Variants in ARHGEF12 observed in about 807,000 individuals in gnomAD.
The protein encoded by ARHGEF12 is KMT2A/ARHGEF12 fusion protein.
In ARHGEF12, 66 loss-of-function variants were observed where a neutral mutation model predicts 211.2. The observed-to-expected ratio is 0.31, with a 90% CI of 0.26 to 0.38. The LOEUF (loss-of-function observed/expected upper bound fraction) is 0.38, where lower values mean the gene tolerates loss of function less well. Among genes scored for constraint, ARHGEF12 ranks in the 10% least tolerant of loss-of-function variants. The probability of loss-of-function intolerance (pLI) is 1.00; values close to 1 mark genes in which losing one functional copy is unlikely to be tolerated. For missense variants in ARHGEF12, 1,429 were observed against 1,869.5 expected (o/e 0.76, Z 4.34); for synonymous variants, 592 against 638.4 (o/e 0.93, Z 1.09).
At chr11:120,445,218 T>C (rs945604509) in intron 15 of ARHGEF12, among the ~76,000 whole-genome samples, 4 of 152,236 alleles carry the variant, frequency 2.6e-5, no homozygotes, top group African/African-American at 9.6e-5. Flanking sequence ...CTTTATAGCA[T>C]GATCCTCGGG....
intron 30 of ARHGEF12, among the ~76,000 whole-genome samples, chr11:120,471,716 A>G (rs1946875041): frequency 6.6e-6 from 1 of 152,196 alleles, no homozygotes; most frequent in African/African-American, 2.4e-5. Flanking sequence ...AGATGGACTG[A>G]TGGATAGAGG....
chr11:120,443,389 A>G (rs1478894451), intron 15 of ARHGEF12, among the ~76,000 whole-genome samples: 1 of 152,092 alleles, frequency 6.6e-6, no homozygotes, highest in Non-Finnish European at 1.5e-5. Context: ...TACCTACTCA[A>G]AGATCTTACT....
intron 40 of ARHGEF12, 42 bp downstream of exon 40, chr11:120,484,549 C>T (rs769526035): frequency 1.3e-6 from 2 of 1,483,688 alleles, no homozygotes; most frequent in South Asian, 2.4e-5. Context: ...ACTAATCATC[C>T]TACACTGAAT....
chr11:120,454,978 T>G (rs1946321676), intron 22 of ARHGEF12, among the ~76,000 whole-genome samples: 1 of 151,700 alleles, frequency 6.6e-6, no homozygotes, highest in Non-Finnish European at 1.5e-5. Flanking sequence ...GGGAGAAATA[T>G]CAAAAAATGT....
rs1365533080 is a variant in ARHGEF12, at chr11:120,480,525, G to T, written c.4237+95G>T. ...GGATGTTGTATTGGTATCCAGGTGT[G>T]TGTGTGTGTGTGTGTTCACACATGT... On this transcript the variant is annotated intron_variant, in intron 38 of 40. Coordinates refer to ENST00000397843, the MANE Select transcript of ARHGEF12 (RefSeq NM_015313.3). 3 of 1,117,462 alleles carry T rather than the reference G, an allele frequency of 2.7e-6. No individual in the cohort carries two copies. The African/African-American group carries it at 4.8e-5, about 18-fold the overall frequency. The allele number at this position is 1,117,462 out of a possible 1,614,324, so 69.2% of individuals were successfully genotyped here. A position where few individuals can be genotyped will look rare whatever the true frequency, so the allele number is the denominator to read the frequency against.
chr11:120,464,943 T>C, intron 27 of ARHGEF12: 1 of 248,194 alleles, frequency 4.0e-6, no homozygotes, highest in East Asian at 8.5e-5. Context: ...GAGGCAGAAG[T>C]TGCAGTGAGC....
intron 22 of ARHGEF12, 67 bp from the exon 23 acceptor site, chr11:120,457,051 T>A (rs1946384331): frequency 1.4e-6 from 2 of 1,426,636 alleles, no homozygotes; most frequent in Admixed American, 2.0e-5. Context: ...TGGGAACTAA[T>A]TTTTTTTGGT....
chr11:120,436,790 G>A (rs549206072), intron 11 of ARHGEF12, among the ~76,000 whole-genome samples: 2 of 152,240 alleles, frequency 1.3e-5, no homozygotes, highest in East Asian at 1.9e-4. Flanking sequence ...AGGGACTTGA[G>A]CATCCATTCC....
At chr11:120,451,491 T>C (rs1233040617) in intron 21 of ARHGEF12, 21 bp from the exon 22 acceptor site, 2 of 1,612,876 alleles carry the variant, frequency 1.2e-6, no homozygotes, top group South Asian at 2.2e-5. Context: ...TACAGATTAT[T>C]AACCATCATT....
intron 1 of ARHGEF12, among the ~76,000 whole-genome samples, chr11:120,343,541 A>G (rs551924375): frequency 8.5e-5 from 13 of 152,252 alleles, no homozygotes; most frequent in Non-Finnish European, 1.6e-4. Flanking sequence ...TACCTCTTGA[A>G]TTAGCATGCA....
chr11:120,376,128 G>A (rs990910017), intron 1 of ARHGEF12, among the ~76,000 whole-genome samples: 16 of 152,028 alleles, frequency 1.1e-4, no homozygotes, highest in Admixed American at 3.3e-4. Flanking sequence ...GTTCTGGTAG[G>A]CATATCCTAG....
intron 1 of ARHGEF12, among the ~76,000 whole-genome samples, chr11:120,339,596 A>G (rs943436230): frequency 6.6e-6 from 1 of 152,196 alleles, no homozygotes; most frequent in Non-Finnish European, 1.5e-5. Context: ...TAGAGTGTGC[A>G]GAACCACCAG....
intron 30 of ARHGEF12, among the ~76,000 whole-genome samples, chr11:120,471,865 C>CAGTA: frequency 6.6e-6 from 1 of 152,234 alleles, no homozygotes; most frequent in Non-Finnish European, 1.5e-5. Flanking sequence ...AATGTACATA[C>CAGTA]CCTTTGATCC....
At chr11:120,441,015 A>G (rs1347798141) in intron 13 of ARHGEF12, among the ~76,000 whole-genome samples, 12 of 152,170 alleles carry the variant, frequency 7.9e-5, no homozygotes, top group Non-Finnish European at 1.5e-5. Flanking sequence ...CTAGTCTCGC[A>G]TTCCTGGAAT....
At chr11:120,455,801 G>GT (rs1363553865) in intron 22 of ARHGEF12, among the ~76,000 whole-genome samples, 2 of 152,226 alleles carry the variant, frequency 1.3e-5, no homozygotes, top group African/African-American at 2.4e-5. Context: ...AGAGGAAATA[G>GT]TTTGAGACTT....
At chr11:120,395,418 A>G (rs1203871328) in intron 1 of ARHGEF12, among the ~76,000 whole-genome samples, 6 of 151,214 alleles carry the variant, frequency 4.0e-5, no homozygotes, top group Non-Finnish European at 7.4e-5. Context: ...ATGGAATTAG[A>G]TTAGAATTAG....
At chr11:120,436,745 G>A (rs1035508242) in intron 11 of ARHGEF12, among the ~76,000 whole-genome samples, 1 of 152,084 alleles carries the variant, frequency 6.6e-6, no homozygotes, top group Non-Finnish European at 1.5e-5. Context: ...ATATATAGAA[G>A]ATTTGCGTAT....
chr11:120,473,130 G>A lies in ARHGEF12; in HGVS notation c.3033+3G>A, dbSNP rs555569791. Reference sequence around the variant, plus strand: ...ACCCAAATGTTGAAGAGCTCAGGGTGAGAGATGGTCTAATCATAATTTAAA... The same window carrying A: ...ACCCAAATGTTGAAGAGCTCAGGGTAAGAGATGGTCTAATCATAATTTAAA... On this transcript the variant is annotated splice_donor_region_variant and intron_variant, in intron 31 of 40. Transcript: ENST00000397843. 3.7e-6 allele frequency: 6 copies of A among 1,612,276 alleles called. No homozygotes were observed. In the African/African-American group the frequency reaches 5.3e-5, roughly 14 times the overall value.
At chr11:120,388,451 G>A (rs935813038) in intron 1 of ARHGEF12, among the ~76,000 whole-genome samples, 1 of 152,168 alleles carries the variant, frequency 6.6e-6, no homozygotes, top group East Asian at 1.9e-4. Flanking sequence ...GTTTTTGTGT[G>A]TACATAAGCT....
Sources: allele counts gnomAD v4.1 joint callset (sites outside exome capture counted in the v4.1 genomes callset), GRCh38; gene constraint gnomAD v4.1.1; transcripts MANE v1.5; gene names NCBI Gene and HGNC (gene_info 2026-07-23, HGNC 2026-07-21).